The following CASP10 variants were observed in gnomAD, a reference collection of about 807,000 sequenced individuals.
The protein encoded by CASP10 is caspase-10.
In CASP10, 41 loss-of-function variants were observed where a neutral mutation model predicts 48.5. That is an observed-to-expected ratio of 0.85 (90% confidence interval 0.66 to 1.10). CASP10 has a LOEUF of 1.10. Ranked by LOEUF, CASP10 falls within the 50% of genes least tolerant of loss-of-function variation. The probability of loss-of-function intolerance (pLI) is 0.00; values close to 1 mark genes in which losing one functional copy is unlikely to be tolerated. For missense variants in CASP10, 614 were observed against 614.5 expected, an observed-to-expected ratio of 1.00 and a Z score of 0.01; for synonymous variants, 232 against 238.4, an observed-to-expected ratio of 0.97 and a Z score of 0.25.
chr2:201,187,005 T>C (rs1944438148), intron 2 of CASP10, among the ~76,000 whole-genome samples: 1 of 152,160 alleles, frequency 6.6e-6, no homozygotes, highest in African/African-American at 2.4e-5. Flanking sequence ...GTGTTTAAAA[T>C]TGTTCACTGA....
At position 201,219,521 on chromosome 2, in the gene CASP10, A is replaced by G; in HGVS notation, c.*1780A>G. ...GGACAGTCCCCACCTTGTTACTGCT[A>G]CTACACTTTGCTCCTCTGGCCCAAG... On this transcript the variant is annotated 3_prime_UTR_variant, in exon 10 of 10. Transcript: ENST00000286186. 1.0e-6 allele frequency: 1 copy of G among 985,364 alleles called. No individual in the cohort carries two copies. The highest frequency in any genetic ancestry group is 1.2e-6 in the Non-Finnish European group (1 of 829,948). The allele number at this position is 985,364 out of a possible 1,614,324, so 61.0% of individuals were successfully genotyped here.
intron 6 of CASP10, 28 bp downstream of exon 6, chr2:201,203,794 A>G: frequency 2.5e-6 from 4 of 1,586,462 alleles, no homozygotes; most frequent in South Asian, 1.1e-5. Context: ...ACTTTTTACA[A>G]CTTAGATCGG....
intron 5 of CASP10, among the ~76,000 whole-genome samples, 156 bp from the exon 6 acceptor site, chr2:201,203,574 T>C (rs188531240): frequency 6.6e-6 from 1 of 152,346 alleles, no homozygotes; most frequent in Admixed American, 6.5e-5. Flanking sequence ...CCCAAAGTGC[T>C]GGGATTACAG....
At chr2:201,189,135 G>T (rs1944518394) in intron 3 of CASP10, among the ~76,000 whole-genome samples, 1 of 152,044 alleles carries the variant, frequency 6.6e-6, no homozygotes, top group Non-Finnish European at 1.5e-5. Flanking sequence ...GCCTCCCAAA[G>T]TGCTGAGATT....
intron 1 of CASP10, among the ~76,000 whole-genome samples, chr2:201,185,410 G>A (rs778511132): frequency 1.4e-4 from 21 of 152,084 alleles, no homozygotes; most frequent in Non-Finnish European, 2.5e-4. Flanking sequence ...TTTCTGCCAC[G>A]TGCTGGAAAT....
intron 8 of CASP10, 32 bp from the exon 9 acceptor site, chr2:201,209,038 T>C: frequency 6.4e-7 from 1 of 1,561,960 alleles, no homozygotes; most frequent in South Asian, 1.1e-5. Context: ...TCTCTCTCTC[T>C]CTCTTTTTTT....
intron 7 of CASP10, among the ~76,000 whole-genome samples, chr2:201,207,610 A>AC (rs1358346973): frequency 1.3e-5 from 2 of 151,920 alleles, no homozygotes; most frequent in African/African-American, 4.8e-5. Context: ...TACAAAAATT[A>AC]CCTGGGCATG....
intron 2 of CASP10, among the ~76,000 whole-genome samples, chr2:201,186,866 T>C (rs996570781): frequency 4.6e-5 from 7 of 152,102 alleles, no homozygotes; most frequent in African/African-American, 1.7e-4. Flanking sequence ...TTTGTATTTT[T>C]AGTAGAGACA....
downstream of CASP10, among the ~76,000 whole-genome samples, chr2:201,223,060 A>G (rs933166866): frequency 6.6e-6 from 1 of 152,120 alleles, no homozygotes; most frequent in Non-Finnish European, 1.5e-5. Flanking sequence ...CTTTTTGGTG[A>G]TAATCTTTAA....
Position 201,193,086 on chromosome 2 carries a change from T to C in CASP10, c.544T>C (p.Leu182=), listed in dbSNP as rs895671630. ...DLCKTVVPKL[L]RNIEKYKREK... ...CTGCAAAACAGTTGTACCTAAACTTTTGAGAAACATAGAGAAATACAAAAG... is the reference window on the plus strand; with the variant it reads ...CTGCAAAACAGTTGTACCTAAACTTCTGAGAAACATAGAGAAATACAAAAG... Residue 182 remains leucine, a synonymous_variant, in exon 4 of 10, where the codon TTG becomes CTG. Coordinates refer to ENST00000286186, the MANE Select transcript of CASP10 (RefSeq NM_032977.4). 7 of 1,613,828 alleles carry C rather than the reference T, an allele frequency of 4.3e-6. No individual in the cohort carries two copies. Among genetic ancestry groups the C allele is most frequent in the Non-Finnish European group, 3.4e-6 (4 of 1,179,876 alleles).
chr2:201,209,100 G>A lies in CASP10; in HGVS notation c.953G>A (p.Gly318Glu), dbSNP rs138931498. The change falls in exon 9 of 10, where the codon GGG becomes GAG. Residue 318 changes from glycine (G) to glutamate (E), a missense_variant. Transcript: ENST00000286186. ...EILSHVFQWL[G>E]FTVHIHNNVT... The stretch of plus-strand genomic sequence containing the variant: ...CTGAGTCATGTGTTCCAGTGGCTTG[G>A]GTTCACAGTGCATATACACAATAAT... 2.6e-4 allele frequency: 417 copies of A among 1,608,688 alleles called. 2 individuals carry two copies. Among genetic ancestry groups the A allele is most frequent in the Non-Finnish European group, 3.4e-4 (399 of 1,178,724 alleles).
intron 3 of CASP10, among the ~76,000 whole-genome samples, chr2:201,190,291 T>TAC (rs144974555): frequency 1.4e-3 from 206 of 150,942 alleles, no homozygotes; most frequent in East Asian, 3.9e-3. Context: ...CACATATGTA[T>TAC]ACACACACAC....
chr2:201,223,169 A>T (rs2126067331), downstream of CASP10, among the ~76,000 whole-genome samples: 1 of 152,354 alleles, frequency 6.6e-6, no homozygotes, highest in Middle Eastern at 3.4e-3. Context: ...GCCTACAGAA[A>T]GGGATGAACT....
At chr2:201,197,735 C>T (rs1944854147) in intron 5 of CASP10, among the ~76,000 whole-genome samples, 2 of 152,236 alleles carry the variant, frequency 1.3e-5, no homozygotes, top group Admixed American at 1.3e-4. Context: ...CACTGTATTA[C>T]ATTTTGTTGT....
Position 201,208,143 on chromosome 2 carries a change from T to C in CASP10, c.882T>C (p.Phe294=), listed in dbSNP as rs1945270943. ...GTGTCATTGTCAACAACCACAGCTT[T>C]ACCTCCCTGAAGGACAGACAAGGAA... ...GLCVIVNNHS[F]TSLKDRQGTH... The change falls in exon 8 of 10, where the codon TTT becomes TTC. Residue 294 remains phenylalanine, a synonymous_variant. Transcript: ENST00000286186. The C allele has an allele frequency of 6.2e-7, 1 of 1,614,122 alleles. No individual in the cohort carries two copies. The highest frequency in any genetic ancestry group is 8.5e-7 in the Non-Finnish European group (1 of 1,179,984).
chr2:201,193,292 C>T, intron 4 of CASP10, 173 bp downstream of exon 4: 1 of 559,648 alleles, frequency 1.8e-6, no homozygotes, highest in Non-Finnish European at 3.2e-6. Flanking sequence ...ACTGAAACCT[C>T]CGCCTCCCGG....
chr2:201,206,092 G>T, intron 7 of CASP10, 119 bp downstream of exon 7: 1 of 639,948 alleles, frequency 1.6e-6, no homozygotes. Context: ...GATTTTAAGG[G>T]CTCCGAGCTG....
At chr2:201,215,222 T>G (rs1165182091) in intron 9 of CASP10, among the ~76,000 whole-genome samples, 3 of 148,064 alleles carry the variant, frequency 2.0e-5, no homozygotes, top group Non-Finnish European at 3.0e-5. Flanking sequence ...TTTTTTTTTT[T>G]TTTTTTTTTT....
At chr2:201,203,402 G>A (rs969607828) in intron 5 of CASP10, among the ~76,000 whole-genome samples, 1 of 151,680 alleles carries the variant, frequency 6.6e-6, no homozygotes, top group Non-Finnish European at 1.5e-5. Context: ...TGCCTCCCAG[G>A]TTCAAGTGAT....
Sources: allele counts gnomAD v4.1 joint callset (sites outside exome capture counted in the v4.1 genomes callset), GRCh38; gene constraint gnomAD v4.1.1; transcripts MANE v1.5; gene names NCBI Gene and HGNC (gene_info 2026-07-23, HGNC 2026-07-21).